PPP6R3: variants seen among roughly 807,000 people sequenced by gnomAD.
The protein encoded by PPP6R3 is protein phosphatase 6 regulatory subunit 3.
PPP6R3 carries 38 observed loss-of-function variants against 110.7 expected under a neutral mutation model. That is an observed-to-expected ratio of 0.34 (90% CI 0.26 to 0.45). The LOEUF (loss-of-function observed/expected upper bound fraction) is 0.45. PPP6R3 is among the 20% of genes least tolerant of loss of function. PPP6R3 has a pLI of 1.00. For missense variants in PPP6R3, 870 were observed against 1,062.4 expected (o/e 0.82, Z 2.52); for synonymous variants, 369 against 373.5 (o/e 0.99, Z 0.14).
intron 22 of PPP6R3, chr11:68,609,658 A>G: frequency 1.3e-6 from 2 of 1,556,826 alleles, no homozygotes; most frequent in Non-Finnish European, 1.7e-6. Context: ...ACCGTTCTTT[A>G]TCAGACGCCA....
chr11:68,540,383 C>CA (rs2099307632), intron 3 of PPP6R3, among the ~76,000 whole-genome samples: 1 of 152,070 alleles, frequency 6.6e-6, no homozygotes, highest in South Asian at 2.1e-4. Flanking sequence ...TAGAAGTTTT[C>CA]AAAAGGGGAG....
chr11:68,485,166 A>G (rs906605407), intron 1 of PPP6R3, among the ~76,000 whole-genome samples: 6 of 147,406 alleles, frequency 4.1e-5, no homozygotes, highest in Admixed American at 4.1e-4. Flanking sequence ...TTTTTTTTTT[A>G]TTTTCAAATT....
chr11:68,588,755 C>CT (rs200493480), intron 16 of PPP6R3, among the ~76,000 whole-genome samples: 1,532 of 132,956 alleles, frequency 0.012, 10 homozygotes, highest in African/African-American at 0.014. Context: ...AAGACTCGGT[C>CT]TTTAAAAAAA....
chr11:68,587,139 A>G (rs1202905621), intron 15 of PPP6R3: 1 of 151,564 alleles, frequency 6.6e-6, no homozygotes. Flanking sequence ...CTTGTTTTAA[A>G]TTAGAATATC....
chr11:68,466,975 T>C (rs1457040864), intron 1 of PPP6R3, among the ~76,000 whole-genome samples: 1 of 138,398 alleles, frequency 7.2e-6, no homozygotes, highest in East Asian at 2.1e-4. Flanking sequence ...CTCGATCTCT[T>C]AGTGAGCCGC....
chr11:68,585,419 C>G (rs2099575119), intron 15 of PPP6R3, among the ~76,000 whole-genome samples: 1 of 152,188 alleles, frequency 6.6e-6, no homozygotes, highest in Non-Finnish European at 1.5e-5. Context: ...AAGAGATTTG[C>G]TTAAAGTGGT....
intron 1 of PPP6R3, among the ~76,000 whole-genome samples, chr11:68,476,598 T>C (rs898632818): frequency 1.3e-5 from 2 of 152,250 alleles, no homozygotes; most frequent in African/African-American, 2.4e-5. Context: ...AGCACCACTT[T>C]AGCTATATGC....
In PPP6R3 at chr11:68,517,695, T is replaced by C. The variant is rs372210649; in HGVS notation, c.-157-1806T>C. On this transcript the variant is annotated intron_variant, in intron 1 of 23. Transcript: ENST00000393800. ...GCTCACACCTATAATCCCAGAACTT[T>C]GGGAGGCCAAGGCGGACGGATCACT... 1.4e-4 allele frequency among the ~76,000 whole-genome samples: 21 copies of C among 152,260 alleles called. No homozygotes were observed. In the South Asian group the frequency reaches 3.7e-3, roughly 27 times the overall value.
At chr11:68,531,802 C>T (rs1165249452) in intron 2 of PPP6R3, among the ~76,000 whole-genome samples, 1 of 152,110 alleles carries the variant, frequency 6.6e-6, no homozygotes, top group Non-Finnish European at 1.5e-5. Context: ...GCTAAGGATC[C>T]TGAGGCTTAG....
intron 2 of PPP6R3, among the ~76,000 whole-genome samples, chr11:68,528,129 C>T (rs1258158530): frequency 6.6e-6 from 1 of 152,172 alleles, no homozygotes; most frequent in African/African-American, 2.4e-5. Context: ...TGTCATATTA[C>T]TCCTGTATTC....
At chr11:68,525,576 C>A (rs1320383915) in intron 2 of PPP6R3, among the ~76,000 whole-genome samples, 7 of 152,128 alleles carry the variant, frequency 4.6e-5, no homozygotes, top group African/African-American at 1.7e-4. Flanking sequence ...CTGAATACTT[C>A]AGGGTTATAT....
intron 18 of PPP6R3, 74 bp downstream of exon 18, chr11:68,591,780 T>C: frequency 1.4e-6 from 2 of 1,476,336 alleles, no homozygotes; most frequent in South Asian, 2.7e-5. Context: ...ACATACATTG[T>C]GTCATCACCA....
At chr11:68,478,635 T>C in intron 1 of PPP6R3, among the ~76,000 whole-genome samples, 1 of 141,314 alleles carries the variant, frequency 7.1e-6, no homozygotes, top group Non-Finnish European at 1.5e-5. Flanking sequence ...GATGAGTTAG[T>C]GCACTTGGTA....
chr11:68,538,015 A>T, intron 3 of PPP6R3, 124 bp downstream of exon 3: 1 of 735,220 alleles, frequency 1.4e-6, no homozygotes, highest in Admixed American at 3.4e-5. Flanking sequence ...GATAGTCAAG[A>T]ATGACAGGCT....
At chr11:68,536,655 A>C (rs2099272615) in intron 2 of PPP6R3, among the ~76,000 whole-genome samples, 1 of 152,186 alleles carries the variant, frequency 6.6e-6, no homozygotes, top group Non-Finnish European at 1.5e-5. Context: ...TTTAAATAGC[A>C]TGTGGATATT....
intron 14 of PPP6R3, among the ~76,000 whole-genome samples, chr11:68,580,915 G>A (rs1227039761): frequency 2.0e-5 from 3 of 151,792 alleles, no homozygotes; most frequent in Non-Finnish European, 4.4e-5. Flanking sequence ...GGGACTACAG[G>A]CACCCGCCAC....
At chr11:68,539,936 A>G (rs1347299479) in intron 3 of PPP6R3, among the ~76,000 whole-genome samples, 1 of 152,210 alleles carries the variant, frequency 6.6e-6, no homozygotes, top group Non-Finnish European at 1.5e-5. Flanking sequence ...ACAACCAGGA[A>G]CATCCAGGCA....
chr11:68,518,798 T>A (rs1377529091), intron 1 of PPP6R3, among the ~76,000 whole-genome samples: 1 of 152,210 alleles, frequency 6.6e-6, no homozygotes, highest in Non-Finnish European at 1.5e-5. Flanking sequence ...AGGCATTAGA[T>A]GAACAGCATT....
intron 8 of PPP6R3, among the ~76,000 whole-genome samples, chr11:68,559,023 A>C (rs888381011): frequency 1.3e-5 from 2 of 152,232 alleles, no homozygotes; most frequent in Admixed American, 6.5e-5. Context: ...ATGATAATTA[A>C]AAATAGGTGT....
Sources: gnomAD v4.1 joint callset for allele counts (sites outside exome capture counted in the v4.1 genomes callset) on GRCh38, gnomAD v4.1.1 for gene constraint, MANE v1.5 for transcripts, NCBI Gene and HGNC (gene_info 2026-07-23, HGNC 2026-07-21) for gene names.